RASA3: variants seen among roughly 807,000 people sequenced by gnomAD.
RASA3 encodes the protein RAS p21 protein activator 3.
In RASA3, 73 loss-of-function variants were observed where a neutral mutation model predicts 110.0. The ratio of observed to expected loss-of-function variants is 0.66; its 90% CI spans 0.55 to 0.81. The LOEUF (loss-of-function observed/expected upper bound fraction) is 0.81. Among genes scored for constraint, RASA3 ranks in the 30% least tolerant of loss-of-function variants. RASA3 has a pLI of 0.00. For synonymous variants in RASA3, 500 were observed against 451.4 expected (o/e 1.11, Z -1.37); for missense variants, 976 against 1,113.2 (o/e 0.88, Z 1.75).
Position 113,995,811 on chromosome 13 carries a change from C to CT in RASA3, c.2141+719_2141+720insA, listed in dbSNP as rs1435311610. 1.4e-3 allele frequency among the ~76,000 whole-genome samples: 38 copies of CT among 26,320 alleles called. 8 individuals carry two copies. The highest frequency in any genetic ancestry group is 1.8e-3 in the Non-Finnish European group (28 of 15,722). The allele number at this position is 26,320 out of a possible 152,430, so 17.3% of individuals were successfully genotyped here. A position where few individuals can be genotyped will look rare whatever the true frequency, so the allele number is the denominator to read the frequency against. ...ACGGGGGGTCCGGCTGATGGGGGTC[C>CT]GGCTGACGGGGGGCCCGGCTGACGG... On this transcript the variant is annotated intron_variant, in intron 21 of 23. Transcript: ENST00000334062.
At chr13:114,079,290 C>G (rs1204450677) in intron 1 of RASA3, among the ~76,000 whole-genome samples, 4 of 152,220 alleles carry the variant, frequency 2.6e-5, no homozygotes, top group Non-Finnish European at 4.4e-5. Context: ...ACTGAAATAA[C>G]GTGGAACAGG....
At chr13:114,010,892 C>T (rs938562593) in intron 16 of RASA3, among the ~76,000 whole-genome samples, 30 of 122,156 alleles carry the variant, frequency 2.5e-4, no homozygotes, top group Admixed American at 1.3e-3. Context: ...CCTGTTCAGC[C>T]GCTTCCCACA....
rs1431411915 is a variant in RASA3 at position 114,055,111 on chromosome 13, T to C, written c.174-2956A>G. Among the ~76,000 whole-genome samples the C allele has an allele frequency of 2.6e-5, 4 of 151,726 alleles. No individual in the cohort carries two copies. In the East Asian group the frequency reaches 7.7e-4, roughly 29 times the overall value. Reference sequence around the variant, plus strand: ...GTGCATGTGTGTGCCCGTATGTGTGTCCCCACAGGCAGGTGTGCATGTTCA... The same window carrying C: ...GTGCATGTGTGTGCCCGTATGTGTGCCCCCACAGGCAGGTGTGCATGTTCA... On this transcript the variant is annotated intron_variant, in intron 2 of 23. Transcript: ENST00000334062.
At position 114,019,207 on chromosome 13, in the gene RASA3, C is replaced by A. The variant is rs75349063; in HGVS notation, c.786-288G>T. 9.9e-3 allele frequency among the ~76,000 whole-genome samples: 1,511 copies of A among 152,302 alleles called. 19 individuals are homozygous for A. Among genetic ancestry groups the A allele is most frequent in the African/African-American group, 0.035 (1,453 of 41,542 alleles). ...AGGAACGGGTTTCCGGGAACCGGCA[C>A]AGAAGTGGTCAGTGACCCGCCCTAA... On this transcript the variant is annotated intron_variant, in intron 9 of 23. Transcript: ENST00000334062.
At position 114,017,319 on chromosome 13, in the gene RASA3, A is replaced by C. The variant is rs1413586044; in HGVS notation, c.1124T>G (p.Leu375Arg). The change falls in exon 12 of 24, where the codon CTG becomes CGG. Residue 375 changes from leucine (L) to arginine (R), a missense_variant. Leu to Arg is a moderately radical substitution (Grantham distance 102). Around this residue, in one of 4 missense-constraint regions of RASA3, gnomAD observed 732 missense variants for 779.7 expected, o/e 0.94. Transcript: ENST00000334062. The part of the protein sequence containing the change: ...DPNTIFRGNS[L>R]ASKCIDETMK... ...GGTCTCGTCGATGCACTTGGACGCC[A>C]GTGAGTTTCCTCGGAAGATGGTGTT... 6.2e-7 allele frequency: 1 copy of C among 1,613,990 alleles called. No homozygotes were observed. The highest frequency in any genetic ancestry group is 8.5e-7 in the Non-Finnish European group (1 of 1,180,022).
intron 3 of RASA3, among the ~76,000 whole-genome samples, chr13:114,050,925 CAG>C (rs1395714105): frequency 6.6e-6 from 1 of 152,194 alleles, no homozygotes; most frequent in Admixed American, 6.5e-5. Context: ...GGCTCACAAA[CAG>C]AGGAACAGGG....
chr13:114,071,334 G>A (rs1303059421), intron 2 of RASA3, among the ~76,000 whole-genome samples: 1 of 152,132 alleles, frequency 6.6e-6, no homozygotes, highest in Non-Finnish European at 1.5e-5. Flanking sequence ...AAAGACAACA[G>A]GCCCCCATTT....
intron 4 of RASA3, among the ~76,000 whole-genome samples, chr13:114,031,440 T>G (rs1190023344): frequency 6.6e-6 from 1 of 151,032 alleles, no homozygotes; most frequent in African/African-American, 2.4e-5. Flanking sequence ...CAACTCTGTG[T>G]GTGTCTACCT....
chr13:114,100,996 G>T (rs2080052990), intron 1 of RASA3, among the ~76,000 whole-genome samples: 1 of 152,222 alleles, frequency 6.6e-6, no homozygotes, highest in African/African-American at 2.4e-5. Context: ...TGAAACCGCA[G>T]GTGAGGGGGT....
chr13:114,046,024 T>C (rs1278916800), intron 3 of RASA3, among the ~76,000 whole-genome samples: 2 of 152,346 alleles, frequency 1.3e-5, no homozygotes, highest in South Asian at 2.1e-4. Context: ...TATAGATCAA[T>C]GTAATCCCAG....
At chr13:114,043,497 G>A (rs1238705711) in intron 3 of RASA3, among the ~76,000 whole-genome samples, 1 of 152,138 alleles carries the variant, frequency 6.6e-6, no homozygotes, top group Non-Finnish European at 1.5e-5. Flanking sequence ...CAGTTCCACA[G>A]CTACCCGGAC....
chr13:114,015,840 G>A (rs904622685), intron 13 of RASA3, among the ~76,000 whole-genome samples: 4 of 152,132 alleles, frequency 2.6e-5, no homozygotes, highest in South Asian at 2.1e-4. Context: ...AGGAGGAGCC[G>A]GGGCGGAGGC....
chr13:114,057,471 G>A lies in RASA3; in HGVS notation c.174-5316C>T, dbSNP rs1341600474. 3.0e-6 allele frequency: 3 copies of A among 985,452 alleles called. No homozygotes were observed. Among genetic ancestry groups the A allele is most frequent in the African/African-American group, 1.7e-5 (1 of 57,362 alleles). The allele number at this position is 985,452 out of a possible 1,614,324, so 61.0% of individuals were successfully genotyped here. On this transcript the variant is annotated intron_variant, in intron 2 of 23. Transcript: ENST00000334062. This position sits in a 1 kb window ranked among gnomAD's most constrained non-coding sequence, Gnocchi z 5.0. ...AGGATTTCAAGGAAAGCTGGAGCCAGTCTCTGTGCCAGAATAGAGGGTTCG... is the reference window on the plus strand; with the variant it reads ...AGGATTTCAAGGAAAGCTGGAGCCAATCTCTGTGCCAGAATAGAGGGTTCG...
At chr13:114,010,197 C>T (rs189309867) in intron 16 of RASA3, among the ~76,000 whole-genome samples, 276 of 152,292 alleles carry the variant, frequency 1.8e-3, no homozygotes, top group Non-Finnish European at 2.9e-3. Flanking sequence ...CCAACGTTTG[C>T]CCCAAGCGGG....
intron 1 of RASA3, among the ~76,000 whole-genome samples, chr13:114,081,462 A>G (rs1323316834): frequency 6.6e-6 from 1 of 152,206 alleles, no homozygotes; most frequent in Non-Finnish European, 1.5e-5. Flanking sequence ...CGTGGTTCTG[A>G]CTGCCTGTGA....
intron 17 of RASA3, among the ~76,000 whole-genome samples, chr13:114,008,850 G>A (rs1213281215): frequency 1.5e-5 from 1 of 68,226 alleles, no homozygotes; most frequent in Non-Finnish European, 2.6e-5. Flanking sequence ...CCCACGCACC[G>A]CGTTCCTGAC....
rs151047553 is a variant in RASA3 at position 114,130,686 on chromosome 13, C to A, written c.55+1749G>T. On this transcript the variant is annotated intron_variant, in intron 1 of 23. Coordinates refer to ENST00000334062, the MANE Select transcript of RASA3 (RefSeq NM_007368.4). Reference sequence around the variant, plus strand: ...TGCCTTCTGTAAAGTCCTGCCGTGGCCTGAAGTGTAGCCCTTCCTGGAGTA... The same window carrying A: ...TGCCTTCTGTAAAGTCCTGCCGTGGACTGAAGTGTAGCCCTTCCTGGAGTA... Among the ~76,000 whole-genome samples, 557 of 152,340 alleles carry A rather than the reference C, an allele frequency of 3.7e-3. 3 individuals carry two copies. The highest frequency in any genetic ancestry group is 0.013 in the African/African-American group (531 of 41,574).
chr13:114,032,394 T>C (rs929887526), intron 4 of RASA3, among the ~76,000 whole-genome samples: 2 of 152,176 alleles, frequency 1.3e-5, no homozygotes, highest in African/African-American at 4.8e-5. Flanking sequence ...CACGTCGTGA[T>C]GTCTGCCTTC....
chr13:114,125,805 G>A lies in RASA3; in HGVS notation c.55+6630C>T, dbSNP rs552952121. ...GACCCCTGCTCTGACCCGCGGCTGC[G>A]TAAGACGAGACGCGCTCAGTGAGCT... is the stretch of plus-strand genomic sequence containing the variant. On this transcript the variant is annotated intron_variant, in intron 1 of 23. Coordinates refer to ENST00000334062, the MANE Select transcript of RASA3 (RefSeq NM_007368.4). Among the ~76,000 whole-genome samples the A allele has an allele frequency of 5.9e-5, 9 of 152,240 alleles. No homozygotes were observed. In the South Asian group the frequency reaches 1.7e-3, roughly 28 times the overall value.
Sources: allele counts gnomAD v4.1 joint callset (sites outside exome capture counted in the v4.1 genomes callset), GRCh38; gene constraint gnomAD v4.1.1; regional missense constraint gnomAD v4.1.1; non-coding constraint Gnocchi (gnomAD v3.1); transcripts MANE v1.5; gene names NCBI Gene and HGNC (gene_info 2026-07-23, HGNC 2026-07-21).